The following TDRD9 variants were observed in gnomAD, a reference collection of about 807,000 sequenced individuals.
TDRD9 encodes the protein ATP-dependent RNA helicase TDRD9.
Under a neutral mutation model 172.6 loss-of-function variants are expected in TDRD9, and 124 were observed. The ratio of observed to expected loss-of-function variants is 0.72; its 90% CI spans 0.62 to 0.83. The LOEUF is 0.83. Ranked by LOEUF, TDRD9 falls within the 40% of genes least tolerant of loss-of-function variation. The probability of loss-of-function intolerance (pLI) is 0.00; values close to 1 mark genes in which losing one functional copy is unlikely to be tolerated. For synonymous variants in TDRD9, 619 were observed against 617.1 expected, an observed-to-expected ratio of 1.00 and a Z score of -0.05; for missense variants, 1,479 against 1,714.1, an observed-to-expected ratio of 0.86 and a Z score of 2.42.
chr14:103,938,434 A>ATT (rs1167863822), intron 1 of TDRD9, among the ~76,000 whole-genome samples: 526 of 34,780 alleles, frequency 0.015, 23 homozygotes, highest in Non-Finnish European at 0.022. Flanking sequence ...ATATATATAT[A>ATT]TATATATTTT....
chr14:103,961,902 G>A (rs1566742250), intron 2 of TDRD9, among the ~76,000 whole-genome samples: 2 of 152,232 alleles, frequency 1.3e-5, no homozygotes, highest in Non-Finnish European at 2.9e-5. Context: ...CACAGCAGGA[G>A]ATGCTGGTCA....
chr14:103,968,901 C>T (rs1405093389), intron 5 of TDRD9, among the ~76,000 whole-genome samples: 1 of 149,702 alleles, frequency 6.7e-6, no homozygotes, highest in Non-Finnish European at 1.5e-5. Context: ...GAGATTGAGA[C>T]CATCTTGGCT....
chr14:104,014,240 A>T (rs1463144045), intron 20 of TDRD9, among the ~76,000 whole-genome samples: 208 of 133,924 alleles, frequency 1.6e-3, no homozygotes, highest in African/African-American at 5.2e-3. Flanking sequence ...TCAAAAAAAA[A>T]AAAAAAAAAA....
chr14:104,026,355 A>C (rs527260076), intron 27 of TDRD9, among the ~76,000 whole-genome samples: 1 of 152,360 alleles, frequency 6.6e-6, no homozygotes, highest in South Asian at 2.1e-4. Flanking sequence ...GTTTTAATCC[A>C]GTAGTATCTT....
In TDRD9 at chr14:104,026,018, G is replaced by A. The variant is rs376904969; in HGVS notation, c.2932-29G>A. On this transcript the variant is annotated intron_variant, in intron 26 of 35. Transcript: ENST00000409874. Reference sequence around the variant, plus strand: ...GTAGGGCATTGTTTTTGACCCCGTCGTAAAGTGTATACTTGCTTTATTTTC... The same window carrying A: ...GTAGGGCATTGTTTTTGACCCCGTCATAAAGTGTATACTTGCTTTATTTTC... The A allele has an allele frequency of 4.1e-5, 60 of 1,463,936 alleles. No individual in the cohort carries two copies. In the African/African-American group the frequency reaches 6.8e-4, roughly 17 times the overall value. The allele number at this position is 1,463,936 out of a possible 1,614,324, so 90.7% of individuals were successfully genotyped here. A position where few individuals can be genotyped will look rare whatever the true frequency, so the allele number is the denominator to read the frequency against.
intron 1 of TDRD9, among the ~76,000 whole-genome samples, chr14:103,937,795 C>T (rs2030869316): frequency 6.6e-6 from 1 of 151,574 alleles, no homozygotes; most frequent in Non-Finnish European, 1.5e-5. Context: ...TTCTTGAATT[C>T]TGTTTGTTCC....
chr14:104,035,150 CT>C, intron 32 of TDRD9, 94 bp downstream of exon 32: 1 of 967,910 alleles, frequency 1.0e-6, no homozygotes, highest in Non-Finnish European at 1.6e-6. Flanking sequence ...GAAAGAAAGC[CT>C]TTATGGAAGC....
intron 20 of TDRD9, among the ~76,000 whole-genome samples, chr14:104,011,729 G>A (rs1329671952): frequency 2.0e-5 from 3 of 151,932 alleles, no homozygotes; most frequent in Admixed American, 1.3e-4. Context: ...CACCTTTCTT[G>A]TTCTTATTGT....
intron 23 of TDRD9, among the ~76,000 whole-genome samples, chr14:104,021,126 T>C (rs1369244520): frequency 1.3e-5 from 2 of 151,930 alleles, no homozygotes; most frequent in African/African-American, 4.8e-5. Flanking sequence ...CTTACAATCA[T>C]GGTGAAAGGC....
At chr14:103,993,858 A>G (rs1566766830) in intron 9 of TDRD9, among the ~76,000 whole-genome samples, 1 of 152,242 alleles carries the variant, frequency 6.6e-6, no homozygotes, top group South Asian at 2.1e-4. Context: ...AGTTCAACCC[A>G]TAACAGACTC....
intron 1 of TDRD9, chr14:103,945,450 G>T (rs1331244975): frequency 6.6e-6 from 1 of 152,194 alleles, no homozygotes; most frequent in African/African-American, 2.4e-5. Context: ...TTGAAGTAGA[G>T]ACCCAAATAA....
At chr14:104,012,146 T>A (rs1033261871) in intron 20 of TDRD9, among the ~76,000 whole-genome samples, 44 of 152,200 alleles carry the variant, frequency 2.9e-4, no homozygotes, top group Non-Finnish European at 2.6e-4. Flanking sequence ...AGTTACTCAG[T>A]CTTCAGTCCC....
In TDRD9 at chr14:104,026,011, C is replaced by T. The variant is rs143364824; in HGVS notation, c.2932-36C>T. On this transcript the variant is annotated intron_variant, in intron 26 of 35. Transcript: ENST00000409874. ...TGCTCAGGTAGGGCATTGTTTTTGA[C>T]CCCGTCGTAAAGTGTATACTTGCTT... 1.1e-4 allele frequency: 150 copies of T among 1,396,342 alleles called. No homozygotes were observed. In the African/African-American group the frequency reaches 1.3e-3, roughly 13 times the overall value. 86.5% of individuals were successfully genotyped at this position (1,396,342 alleles called of 1,614,324 possible).
chr14:103,944,468 C>G (rs1003951841), intron 1 of TDRD9, among the ~76,000 whole-genome samples: 2 of 152,100 alleles, frequency 1.3e-5, no homozygotes, highest in African/African-American at 4.8e-5. Flanking sequence ...TCTTCCTTGG[C>G]CCTTCTTTTC....
intron 34 of TDRD9, 47 bp from the exon 35 acceptor site, chr14:104,049,561 C>A: frequency 7.0e-7 from 1 of 1,428,168 alleles, no homozygotes; most frequent in South Asian, 1.3e-5. Context: ...GCAGTGTTTT[C>A]AGTTACTAAT....
intron 1 of TDRD9, chr14:103,941,249 G>T: frequency 1.1e-6 from 1 of 951,592 alleles, no homozygotes; most frequent in Non-Finnish European, 1.5e-6. Context: ...TTCTAGTAAA[G>T]AAATTTTAAA....
intron 6 of TDRD9, among the ~76,000 whole-genome samples, 193 bp downstream of exon 6, chr14:103,970,814 C>A (rs986062194): frequency 2.0e-5 from 3 of 152,270 alleles, no homozygotes; most frequent in Admixed American, 1.3e-4. Context: ...GCACATCTTC[C>A]CATATGCTCT....
chr14:104,022,685 C>CCACT (rs2152240732), intron 24 of TDRD9, among the ~76,000 whole-genome samples: 1 of 151,852 alleles, frequency 6.6e-6, no homozygotes, highest in South Asian at 2.1e-4. Flanking sequence ...CGAGATTGCA[C>CCACT]CACTGCACTC....
intron 12 of TDRD9, among the ~76,000 whole-genome samples, chr14:103,996,698 G>A (rs1002498158): frequency 1.6e-4 from 24 of 152,312 alleles, no homozygotes; most frequent in African/African-American, 5.8e-4. Context: ...CGAAATAGCA[G>A]TAAGCAAAAT....
Sources: allele counts gnomAD v4.1 joint callset (sites outside exome capture counted in the v4.1 genomes callset), GRCh38; gene constraint gnomAD v4.1.1; transcripts MANE v1.5; gene names NCBI Gene and HGNC (gene_info 2026-07-23, HGNC 2026-07-21).